The following PTGR1 variants were observed in gnomAD, a reference collection of about 807,000 sequenced individuals.
PTGR1 encodes prostaglandin reductase 1, also known as 15-oxoprostaglandin 13-reductase.
PTGR1 carries 23 observed loss-of-function variants against 37.7 expected under a neutral mutation model. The observed-to-expected ratio is 0.61, with a 90% confidence interval of 0.44 to 0.86. The LOEUF is 0.86. PTGR1 is among the 40% of genes least tolerant of loss of function. The pLI is 0.00. For synonymous variants in PTGR1, 134 were observed against 140.0 expected, an observed-to-expected ratio of 0.96 and a Z score of 0.30; for missense variants, 351 against 394.3, an observed-to-expected ratio of 0.89 and a Z score of 0.93.
At chr9:111,594,753 G>A (rs1032293798) in intron 2 of PTGR1, among the ~76,000 whole-genome samples, 7 of 151,046 alleles carry the variant, frequency 4.6e-5, no homozygotes, top group East Asian at 2.0e-4. Flanking sequence ...GGGTTTCACC[G>A]TGTTAGCCAG....
chr9:111,588,199 T>TC (rs957810365), intron 4 of PTGR1, among the ~76,000 whole-genome samples: 5 of 145,360 alleles, frequency 3.4e-5, no homozygotes, highest in African/African-American at 1.1e-4. Flanking sequence ...CCAGCTAATT[T>TC]TTTTTTTTTT....
Position 111,594,547 on chromosome 9 carries a change from T to TCC in PTGR1, c.107-281_107-280insGG, listed in dbSNP as rs1316930846. The stretch of plus-strand genomic sequence containing the variant: ...AGGCCTGATGCCTTCGTTTTTGGCA[T>TCC]TCTTTTTTTTTTTTTTTTTTTGAGA... On this transcript the variant is annotated intron_variant, in intron 2 of 9. Transcript: ENST00000407693. 5.0e-4 allele frequency among the ~76,000 whole-genome samples: 49 copies of TCC among 98,132 alleles called. 3 individuals are homozygous for TCC. Among genetic ancestry groups the TCC allele is most frequent in the African/African-American group, 1.3e-3 (28 of 22,174 alleles). The allele number at this position is 98,132 out of a possible 152,430, so 64.4% of individuals were successfully genotyped here.
intron 3 of PTGR1, 147 bp from the exon 4 acceptor site, chr9:111,593,129 G>C: frequency 7.6e-7 from 1 of 1,307,366 alleles, no homozygotes; most frequent in South Asian, 1.8e-5. Context: ...ATAAAACCCA[G>C]ACAGATGAAG....
intron 8 of PTGR1, 147 bp from the exon 9 acceptor site, chr9:111,570,356 G>A (rs1353957112): frequency 1.6e-5 from 22 of 1,348,482 alleles, no homozygotes; most frequent in Non-Finnish European, 1.8e-5. Flanking sequence ...TCTGATCCAC[G>A]GGACTGCTGG....
chr9:111,598,076 C>A (rs983897850), intron 1 of PTGR1, among the ~76,000 whole-genome samples: 1 of 152,046 alleles, frequency 6.6e-6, no homozygotes, highest in African/African-American at 2.4e-5. Flanking sequence ...GATCCGCCCG[C>A]CTCGGTCTCC....
downstream of PTGR1, among the ~76,000 whole-genome samples, chr9:111,559,018 CT>C (rs1828200021): frequency 6.6e-6 from 1 of 152,176 alleles, no homozygotes; most frequent in Admixed American, 6.5e-5. Context: ...CTGGCCCCTA[CT>C]CTTGCCTCCC....
intron 9 of PTGR1, among the ~76,000 whole-genome samples, chr9:111,551,890 A>G (rs915412178): frequency 1.3e-5 from 2 of 152,176 alleles, no homozygotes; most frequent in Non-Finnish European, 2.9e-5. Flanking sequence ...TATCAATACA[A>G]TATATCATTC....
intron 9 of PTGR1, chr9:111,564,275 CTTTTAT>C (rs1020254538): frequency 1.4e-6 from 1 of 692,846 alleles, no homozygotes; most frequent in Non-Finnish European, 1.9e-6. Flanking sequence ...GAAATTTAAA[CTTTTAT>C]TATTATTATT....
chr9:111,561,172 AGAGAGAAAGAG>A (rs1589289353), downstream of PTGR1, among the ~76,000 whole-genome samples: 11 of 134,614 alleles, frequency 8.2e-5, 1 homozygote, highest in East Asian at 2.3e-3. Context: ...AGAGAGAGAG[AGAGAGAAAGAG>A]AGAGAGATTC....
At chr9:111,597,802 A>C (rs1020647452) in intron 1 of PTGR1, among the ~76,000 whole-genome samples, 1 of 152,218 alleles carries the variant, frequency 6.6e-6, no homozygotes, top group African/African-American at 2.4e-5. Flanking sequence ...CAGTTACCGG[A>C]AGTGCGAATA....
intron 9 of PTGR1, among the ~76,000 whole-genome samples, chr9:111,552,001 T>C (rs999645908): frequency 7.9e-5 from 12 of 152,260 alleles, no homozygotes; most frequent in Non-Finnish European, 1.8e-4. Context: ...ATTTGTATTA[T>C]GAAATGTTTC....
intron 9 of PTGR1, among the ~76,000 whole-genome samples, chr9:111,554,947 C>T (rs1247838255): frequency 1.3e-5 from 2 of 152,068 alleles, no homozygotes; most frequent in Non-Finnish European, 2.9e-5. Flanking sequence ...ATGTCAGTGC[C>T]TGTTAATTTT....
rs578237246 is a variant in PTGR1 at position 111,568,290 on chromosome 9, G to T, written c.879+1801C>A. Among the ~76,000 whole-genome samples the T allele has an allele frequency of 2.5e-3, 388 of 152,202 alleles. 3 individuals are homozygous for T. Among genetic ancestry groups the T allele is most frequent in the South Asian group, 4.2e-3 (20 of 4,816 alleles). On this transcript the variant is annotated intron_variant, in intron 9 of 9. Coordinates refer to ENST00000407693, the MANE Select transcript of PTGR1 (RefSeq NM_001146108.2). ...GGGAAGGAATGCATTCCTGGGGGAG[G>T]TCTATAAATGGCTGCTCTGGGAGTG... is the stretch of plus-strand genomic sequence containing the variant.
At position 111,597,241 on chromosome 9, in the gene PTGR1, T is replaced by TG. The variant is rs570319495; in HGVS notation, c.106+75dup. 136 of 1,118,406 alleles carry TG rather than the reference T, an allele frequency of 1.2e-4. No individual in the cohort carries two copies. The African/African-American group carries it at 2.0e-3, about 16-fold the overall frequency. 69.3% of individuals were successfully genotyped at this position (1,118,406 alleles called of 1,614,324 possible). ...GTTGTTGCTTAAAGTCACTAAACTT[T>TG]GGGGTAGTTTGTTATGCAGCAAAAG... On this transcript the variant is annotated intron_variant, in intron 2 of 9. Coordinates refer to ENST00000407693, the MANE Select transcript of PTGR1 (RefSeq NM_001146108.2).
intron 9 of PTGR1, among the ~76,000 whole-genome samples, chr9:111,564,895 G>A (rs1445793102): frequency 2.0e-5 from 3 of 151,824 alleles, no homozygotes; most frequent in African/African-American, 4.8e-5. Flanking sequence ...AGGCTGAGGC[G>A]GGTGGATCAC....
In PTGR1 at chr9:111,592,944, A is replaced by G. The variant is rs750169017; in HGVS notation, c.191T>C (p.Met64Thr). The G allele has an allele frequency of 4.0e-6, 6 of 1,490,104 alleles. No homozygotes were observed. In the South Asian group the frequency reaches 4.6e-5, roughly 12 times the overall value. 92.3% of individuals were successfully genotyped at this position (1,490,104 alleles called of 1,614,324 possible). ...TAATTACTTGGCCACTTGCTGCCCC[A>G]TCATTGTATCACCTTCCTTCAATCT... ...AKRLKEGDTMMGQQVAKVVES... is the reference protein window; with the variant it reads ...AKRLKEGDTMTGQQVAKVVES... The change falls in exon 4 of 10, where the codon ATG (methionine) becomes ACG (threonine). Residue 64 changes from methionine (M) to threonine (T), a missense_variant. Coordinates refer to ENST00000407693, the MANE Select transcript of PTGR1 (RefSeq NM_001146108.2).
chr9:111,549,887 C>T (rs1827889537), intron 9 of PTGR1: 4 of 788,878 alleles, frequency 5.1e-6, no homozygotes, highest in African/African-American at 1.8e-5. Flanking sequence ...GTTTGGTCTT[C>T]CTCATGTCCA....
At position 111,562,941 on chromosome 9, in the gene PTGR1, T is replaced by C; in HGVS notation, c.*180A>G. The stretch of plus-strand genomic sequence containing the variant: ...GTGAGGTGACTGGTTGTTGTTGACT[T>C]TGAAACTTCCATCCTCCATCACTAA... On this transcript the variant is annotated 3_prime_UTR_variant, in exon 10 of 10. Transcript: ENST00000407693. 5.0e-6 allele frequency: 7 copies of C among 1,387,788 alleles called. No homozygotes were observed. Among genetic ancestry groups the C allele is most frequent in the Non-Finnish European group, 6.5e-6 (7 of 1,073,338 alleles). 86.0% of individuals were successfully genotyped at this position (1,387,788 alleles called of 1,614,324 possible).
At chr9:111,565,503 CCTATAAATCTAAAA>C (rs758889241) in intron 9 of PTGR1, among the ~76,000 whole-genome samples, 14 of 152,236 alleles carry the variant, frequency 9.2e-5, no homozygotes, top group Non-Finnish European at 1.6e-4. Context: ...TCCCAATTTT[CCTATAAATCTAAAA>C]CTTCTATTTT....
Sources: gnomAD v4.1 joint callset for allele counts (sites outside exome capture counted in the v4.1 genomes callset) on GRCh38, gnomAD v4.1.1 for gene constraint, MANE v1.5 for transcripts, NCBI Gene and HGNC (gene_info 2026-07-23, HGNC 2026-07-21) for gene names.